ITGA1: variants seen among roughly 807,000 people sequenced by gnomAD.
ITGA1 encodes the protein integrin subunit alpha 1.
A neutral mutation model predicts 145.9 loss-of-function variants in ITGA1; 85 were observed. That is an observed-to-expected ratio of 0.58 (90% CI 0.49 to 0.70). The LOEUF is 0.70. ITGA1 is among the 30% of genes least tolerant of loss of function. The pLI is 0.00. For missense variants in ITGA1, 1,351 were observed against 1,418.7 expected (o/e 0.95, Z 0.77); for synonymous variants, 520 against 495.3 (o/e 1.05, Z -0.66).
rs1180004920 is a variant in ITGA1 at position 52,956,008 on chromosome 5, C to T, written c.*3557C>T. ...TTACATATATAGATATTCTCTTTTCCTTTTATAAAATCAAAGTCTAGGCTC... is the reference window on the plus strand; with the variant it reads ...TTACATATATAGATATTCTCTTTTCTTTTTATAAAATCAAAGTCTAGGCTC... On this transcript the variant is annotated 3_prime_UTR_variant, in exon 29 of 29. Coordinates refer to ENST00000282588, the MANE Select transcript of ITGA1 (RefSeq NM_181501.2). 6.6e-6 allele frequency: 1 copy of T among 151,566 alleles called. No homozygotes were observed. The highest frequency in any genetic ancestry group is 1.5e-5 in the Non-Finnish European group (1 of 67,966). The allele number at this position is 151,566 out of a possible 1,614,324, so 9.4% of individuals were successfully genotyped here. A position where few individuals can be genotyped will look rare whatever the true frequency, so the allele number is the denominator to read the frequency against.
In ITGA1 at chr5:52,920,256, T is replaced by C. The variant is rs1750711180; in HGVS notation, c.2156-76T>C. On this transcript the variant is annotated intron_variant, in intron 16 of 28. Transcript: ENST00000282588. ...TGCCAAAGAGATTTTTCTATAATGC[T>C]AATTTAATAATCTGTACAATATGAG... is the stretch of plus-strand genomic sequence containing the variant. 3.5e-6 allele frequency: 4 copies of C among 1,145,786 alleles called. No homozygotes were observed. The South Asian group carries it at 6.9e-5, about 20-fold the overall frequency. 71.0% of individuals were successfully genotyped at this position (1,145,786 alleles called of 1,614,324 possible). A position where few individuals can be genotyped will look rare whatever the true frequency, so the allele number is the denominator to read the frequency against.
intron 12 of ITGA1, among the ~76,000 whole-genome samples, chr5:52,906,708 G>T (rs1320469160): frequency 6.6e-6 from 1 of 152,106 alleles, no homozygotes; most frequent in Non-Finnish European, 1.5e-5. Context: ...TTATTCCACA[G>T]TCCTTTTACA....
chr5:52,848,336 T>A (rs1749370437), intron 1 of ITGA1, among the ~76,000 whole-genome samples: 1 of 152,196 alleles, frequency 6.6e-6, no homozygotes, highest in Non-Finnish European at 1.5e-5. Flanking sequence ...GTAGTTGAAA[T>A]GGGAAAATGA....
chr5:52,843,156 C>T (rs73756267), intron 1 of ITGA1, among the ~76,000 whole-genome samples: 41,235 of 151,962 alleles, frequency 0.27, 5,840 homozygotes, highest in South Asian at 0.39. Context: ...TCTTTCTATA[C>T]CACCAAAGAA....
intron 1 of ITGA1, among the ~76,000 whole-genome samples, chr5:52,847,633 A>G (rs932159993): frequency 2.6e-5 from 4 of 152,150 alleles, no homozygotes; most frequent in Non-Finnish European, 4.4e-5. Flanking sequence ...GCTCACTGCA[A>G]CCTCTGTCTC....
intron 2 of ITGA1, among the ~76,000 whole-genome samples, chr5:52,854,633 G>A (rs2111759957): frequency 6.6e-6 from 1 of 152,256 alleles, no homozygotes; most frequent in East Asian, 1.9e-4. Context: ...AGTTGAAAAG[G>A]ATGTTAATGA....
At chr5:52,919,010 A>C in intron 16 of ITGA1, 112 bp downstream of exon 16, 2 of 927,292 alleles carry the variant, frequency 2.2e-6, no homozygotes, top group Non-Finnish European at 3.1e-6. Context: ...GCTGCACGTC[A>C]TATTTGCCCC....
At chr5:52,883,476 A>T (rs923565614) in intron 7 of ITGA1, among the ~76,000 whole-genome samples, 3 of 152,218 alleles carry the variant, frequency 2.0e-5, no homozygotes, top group African/African-American at 7.2e-5. Context: ...CTGTAGTGAT[A>T]GTACCAAGTA....
At chr5:52,886,113 A>G (rs909909703) in intron 7 of ITGA1, among the ~76,000 whole-genome samples, 15 of 152,176 alleles carry the variant, frequency 9.9e-5, no homozygotes, top group African/African-American at 3.6e-4. Flanking sequence ...TGGGTAAAGA[A>G]CACAGCCCAG....
chr5:52,859,380 T>A (rs904177908), intron 2 of ITGA1, among the ~76,000 whole-genome samples: 8 of 152,216 alleles, frequency 5.3e-5, no homozygotes, highest in Non-Finnish European at 1.0e-4. Context: ...CCTCTTACTT[T>A]AGGTCATTTT....
intron 1 of ITGA1, among the ~76,000 whole-genome samples, chr5:52,816,464 G>T (rs754823615): frequency 4.6e-5 from 7 of 152,128 alleles, no homozygotes; most frequent in Non-Finnish European, 1.0e-4. Flanking sequence ...ATGGCATGAA[G>T]TCTTCCTATT....
intron 1 of ITGA1, among the ~76,000 whole-genome samples, chr5:52,827,157 G>A (rs1210717279): frequency 2.0e-5 from 3 of 147,336 alleles, no homozygotes; most frequent in African/African-American, 7.5e-5. Context: ...GAGTTTAGTA[G>A]AAACTGATTT....
chr5:52,947,576 C>T (rs1163287639), intron 28 of ITGA1, 115 bp downstream of exon 28: 16 of 646,068 alleles, frequency 2.5e-5, no homozygotes, highest in Middle Eastern at 2.4e-4. Flanking sequence ...ATGAAACAAA[C>T]GTTGAAATGA....
Position 52,957,075 on chromosome 5 carries a change from G to A in ITGA1, c.*4624G>A, listed in dbSNP as rs956122654. 3.3e-5 allele frequency: 5 copies of A among 152,260 alleles called. No individual in the cohort carries two copies. The highest frequency in any genetic ancestry group is 6.5e-5 in the Admixed American group (1 of 15,298). The allele number at this position is 152,260 out of a possible 1,614,324, so 9.4% of individuals were successfully genotyped here. On this transcript the variant is annotated 3_prime_UTR_variant, in exon 29 of 29. Coordinates refer to ENST00000282588, the MANE Select transcript of ITGA1 (RefSeq NM_181501.2). ...TTAAACTGTAACATTGTAATCGGAC[G>A]AACAAATCAGCATCTTTGATCCTCA...
At chr5:52,951,444 T>C (rs764491230) in intron 28 of ITGA1, among the ~76,000 whole-genome samples, 2 of 152,202 alleles carry the variant, frequency 1.3e-5, no homozygotes, top group East Asian at 1.9e-4. Context: ...GCAGCACTTA[T>C]AACTTTTTAT....
chr5:52,806,433 G>A (rs1310604472), intron 1 of ITGA1, among the ~76,000 whole-genome samples: 3 of 151,962 alleles, frequency 2.0e-5, no homozygotes, highest in Non-Finnish European at 2.9e-5. Context: ...TAAACTTCAC[G>A]TAGAAATAAA....
intron 14 of ITGA1, among the ~76,000 whole-genome samples, chr5:52,912,106 ATCTAGTATATAGATACACTATATATAGCG>A (rs1750561939): frequency 2.1e-5 from 3 of 143,040 alleles, no homozygotes; most frequent in South Asian, 4.5e-4. Context: ...TATATAGCGT[ATCTAGTATATAGATACACTATATATAGCG>A]TATCTAGTAT....
At chr5:52,940,392 G>A (rs1207188953) in intron 26 of ITGA1, among the ~76,000 whole-genome samples, 1 of 149,216 alleles carries the variant, frequency 6.7e-6, no homozygotes, top group Non-Finnish European at 1.5e-5. Flanking sequence ...TAATATATAG[G>A]TATATATGAA....
chr5:52,915,933 G>A (rs1212957649), intron 15 of ITGA1, among the ~76,000 whole-genome samples: 1 of 152,098 alleles, frequency 6.6e-6, no homozygotes, highest in East Asian at 1.9e-4. Flanking sequence ...TGCTTACAAG[G>A]TTTTAGAGAT....
Sources: gnomAD v4.1 joint callset for allele counts (sites outside exome capture counted in the v4.1 genomes callset) on GRCh38, gnomAD v4.1.1 for gene constraint, MANE v1.5 for transcripts, NCBI Gene and HGNC (gene_info 2026-07-23, HGNC 2026-07-21) for gene names.